RABGAP1L: variants seen among roughly 807,000 people sequenced by gnomAD.
RABGAP1L encodes the protein rab GTPase-activating protein 1-like.
RABGAP1L carries 63 observed loss-of-function variants against 137.7 expected under a neutral mutation model. The observed-to-expected ratio is 0.46, with a 90% CI of 0.37 to 0.56. The LOEUF is 0.56. Ranked by LOEUF, RABGAP1L falls within the 20% of genes least tolerant of loss-of-function variation. The probability of loss-of-function intolerance (pLI) is 0.00; values close to 1 mark genes in which losing one functional copy is unlikely to be tolerated. For missense variants in RABGAP1L, 1,095 were observed against 1,244.0 expected, an observed-to-expected ratio of 0.88 and a Z score of 1.80; for synonymous variants, 431 against 433.7, an observed-to-expected ratio of 0.99 and a Z score of 0.08.
chr1:174,342,834 G>A (rs1682093170), intron 11 of RABGAP1L, among the ~76,000 whole-genome samples: 1 of 151,802 alleles, frequency 6.6e-6, no homozygotes, highest in African/African-American at 2.4e-5. Context: ...CGACTCCTGG[G>A]TTCAAGTGAT....
intron 19 of RABGAP1L, among the ~76,000 whole-genome samples, chr1:174,824,201 A>G (rs1691332670): frequency 6.6e-6 from 1 of 152,142 alleles, no homozygotes; most frequent in African/African-American, 2.4e-5. Context: ...GGGGCAAGAG[A>G]GTCTCTTGAA....
intron 13 of RABGAP1L, among the ~76,000 whole-genome samples, chr1:174,484,528 T>C (rs1175608465): frequency 6.6e-6 from 1 of 152,234 alleles, no homozygotes; most frequent in Non-Finnish European, 1.5e-5. Flanking sequence ...AGTGGTTTTA[T>C]AATATGAGAC....
chr1:174,460,940 C>G (rs1379399045), intron 13 of RABGAP1L, among the ~76,000 whole-genome samples: 1 of 152,008 alleles, frequency 6.6e-6, no homozygotes, highest in African/African-American at 2.4e-5. Flanking sequence ...GTCTCAAATT[C>G]TTTATTTCAG....
chr1:174,230,667 G>A (rs865916547), intron 3 of RABGAP1L, among the ~76,000 whole-genome samples: 61 of 152,250 alleles, frequency 4.0e-4, no homozygotes, highest in African/African-American at 1.4e-3. Context: ...GTGGGAACCT[G>A]GCATATGGAT....
At chr1:174,195,616 T>TCTTTCTTTCTTTCTTCCTTCCTTC (rs1234228992) in intron 1 of RABGAP1L, among the ~76,000 whole-genome samples, 2 of 57,568 alleles carry the variant, frequency 3.5e-5, no homozygotes, top group Non-Finnish European at 7.8e-5. Context: ...TTTCTTTCTT[T>TCTTTCTTTCTTTCTTCCTTCCTTC]CTTCCTTCCT....
chr1:174,622,344 C>G (rs1157554681), intron 13 of RABGAP1L, among the ~76,000 whole-genome samples: 2 of 152,142 alleles, frequency 1.3e-5, no homozygotes, highest in Admixed American at 1.3e-4. Flanking sequence ...CCCAGCCATC[C>G]CATTACTGGG....
At chr1:174,502,297 C>T (rs1661349003) in intron 13 of RABGAP1L, among the ~76,000 whole-genome samples, 1 of 151,580 alleles carries the variant, frequency 6.6e-6, no homozygotes. Flanking sequence ...GAGAAACTGA[C>T]TATTCCAAAG....
chr1:174,412,425 G>A (rs1038041750), intron 13 of RABGAP1L, among the ~76,000 whole-genome samples: 1 of 151,990 alleles, frequency 6.6e-6, no homozygotes, highest in Admixed American at 6.6e-5. Context: ...TTGTGATTCT[G>A]TGCCTTTTAA....
At chr1:174,685,256 C>T (rs556964047) in intron 15 of RABGAP1L, among the ~76,000 whole-genome samples, 2 of 151,940 alleles carry the variant, frequency 1.3e-5, no homozygotes, top group East Asian at 1.9e-4. Flanking sequence ...CTTTCTTTCT[C>T]TCTTTCTTTC....
rs147396962 is a variant in RABGAP1L, at chr1:174,858,531, C to G, written c.2340+46571C>G. Among the ~76,000 whole-genome samples the G allele has an allele frequency of 3.3e-3, 506 of 152,236 alleles. 3 individuals are homozygous for G. The highest frequency in any genetic ancestry group is 0.012 in the African/African-American group (489 of 41,510). On this transcript the variant is annotated intron_variant, in intron 19 of 25. Coordinates refer to ENST00000681986, the MANE Select transcript of RABGAP1L (RefSeq NM_001366446.1). ...ACAAAGAGTCAGCCATTCCAAAACACTAATAGTGCCAAGATTGAAAAACTC... is the reference window on the plus strand; with the variant it reads ...ACAAAGAGTCAGCCATTCCAAAACAGTAATAGTGCCAAGATTGAAAAACTC...
chr1:174,589,682 A>T (rs558662327), intron 13 of RABGAP1L, among the ~76,000 whole-genome samples: 40 of 152,252 alleles, frequency 2.6e-4, no homozygotes, highest in African/African-American at 8.9e-4. Context: ...CATATGGATT[A>T]TTCAGTCTTC....
At chr1:174,250,139 A>G (rs1310879398) in intron 5 of RABGAP1L, among the ~76,000 whole-genome samples, 1 of 152,156 alleles carries the variant, frequency 6.6e-6, no homozygotes, top group Non-Finnish European at 1.5e-5. Flanking sequence ...TCAAAGTAAA[A>G]AATTCTGTTA....
At chr1:174,392,900 G>A (rs1408893512) in intron 12 of RABGAP1L, among the ~76,000 whole-genome samples, 3 of 152,182 alleles carry the variant, frequency 2.0e-5, no homozygotes, top group Non-Finnish European at 4.4e-5. Flanking sequence ...ACCAGAGTCA[G>A]CTCTAATAGA....
chr1:174,651,766 T>A (rs1379651692), intron 14 of RABGAP1L, among the ~76,000 whole-genome samples: 1 of 152,238 alleles, frequency 6.6e-6, no homozygotes, highest in Non-Finnish European at 1.5e-5. Context: ...TACAGCACAC[T>A]GATAGGTCTT....
intron 17 of RABGAP1L, among the ~76,000 whole-genome samples, chr1:174,714,364 C>T (rs985726105): frequency 6.6e-6 from 1 of 152,034 alleles, no homozygotes; most frequent in African/African-American, 2.4e-5. Flanking sequence ...TTTTAAAATG[C>T]CTATTTCCCC....
rs1189779916 is a variant in RABGAP1L at position 174,762,903 on chromosome 1, C to T, written c.2211+10549C>T. ...TATCTCAGCTCACTGGAACCTCCACCTCCCAGGTTTAAGAGGTTCTCGTGC... is the reference window on the plus strand; with the variant it reads ...TATCTCAGCTCACTGGAACCTCCACTTCCCAGGTTTAAGAGGTTCTCGTGC... On this transcript the variant is annotated intron_variant, in intron 18 of 25. Transcript: ENST00000681986. Among the ~76,000 whole-genome samples the T allele has an allele frequency of 2.9e-4, 43 of 149,954 alleles. No individual in the cohort carries two copies. The Admixed American group carries it at 2.9e-3, about 10-fold the overall frequency.
chr1:174,477,648 A>G (rs1658641133), intron 13 of RABGAP1L, among the ~76,000 whole-genome samples: 1 of 152,198 alleles, frequency 6.6e-6, no homozygotes, highest in Non-Finnish European at 1.5e-5. Flanking sequence ...AAGCTGTGAT[A>G]ACTATTTTAT....
chr1:174,222,662 A>G (rs531009273), intron 3 of RABGAP1L, among the ~76,000 whole-genome samples: 10 of 131,374 alleles, frequency 7.6e-5, no homozygotes, highest in African/African-American at 2.7e-4. Flanking sequence ...CCATCAAGAT[A>G]TATTGAAACA....
At chr1:174,669,422 A>AT (rs531837787) in intron 14 of RABGAP1L, among the ~76,000 whole-genome samples, 97 of 152,204 alleles carry the variant, frequency 6.4e-4, no homozygotes, top group African/African-American at 2.3e-3. Context: ...AATTTATCCC[A>AT]TTTTGTAGGT....
Sources: allele counts gnomAD v4.1 joint callset (sites outside exome capture counted in the v4.1 genomes callset), GRCh38; gene constraint gnomAD v4.1.1; transcripts MANE v1.5; gene names NCBI Gene and HGNC (gene_info 2026-07-23, HGNC 2026-07-21).